Variants in SIRPG observed in about 807,000 individuals in gnomAD.
SIRPG encodes signal-regulatory protein gamma.
In SIRPG, 38 loss-of-function variants were observed where a neutral mutation model predicts 35.7. The observed-to-expected ratio is 1.06, with a 90% CI of 0.82 to 1.40. The LOEUF is 1.40. Ranked by LOEUF, SIRPG falls within the 40% of genes most tolerant of loss-of-function variation. The probability of loss-of-function intolerance (pLI) is 0.00; values close to 1 mark genes in which losing one functional copy is unlikely to be tolerated. For synonymous variants in SIRPG, 215 were observed against 190.4 expected, an observed-to-expected ratio of 1.13 and a Z score of -1.06; for missense variants, 519 against 483.0, an observed-to-expected ratio of 1.07 and a Z score of -0.70.
upstream of SIRPG, among the ~76,000 whole-genome samples, chr20:1,661,236 G>A (rs1177527004): frequency 6.6e-6 from 1 of 152,122 alleles, no homozygotes; most frequent in East Asian, 1.9e-4. Context: ...GGTGGAGTAC[G>A]ACGATGATGA....
At chr20:1,655,266 G>A (rs1329141084) in intron 1 of SIRPG, among the ~76,000 whole-genome samples, 1 of 152,146 alleles carries the variant, frequency 6.6e-6, no homozygotes, top group Non-Finnish European at 1.5e-5. Context: ...GCCAAGATAT[G>A]GAATCAACCT....
chr20:1,634,319 GC>G (rs1465995782), intron 4 of SIRPG, among the ~76,000 whole-genome samples: 1 of 150,692 alleles, frequency 6.6e-6, no homozygotes, highest in Non-Finnish European at 1.5e-5. Context: ...CCATTCTCCT[GC>G]CTCAGCCTCC....
At chr20:1,649,894 G>A (rs2091927843) in intron 1 of SIRPG, among the ~76,000 whole-genome samples, 2 of 149,680 alleles carry the variant, frequency 1.3e-5, no homozygotes, top group South Asian at 4.2e-4. Context: ...GCTTTCCATA[G>A]TGCTGGGATG....
upstream of SIRPG, among the ~76,000 whole-genome samples, chr20:1,661,530 G>A (rs1296077036): frequency 3.3e-5 from 5 of 152,188 alleles, no homozygotes; most frequent in Admixed American, 6.5e-5. Flanking sequence ...TGTGAGTCCT[G>A]GTAGCAGAGG....
At chr20:1,668,170 CT>C in the SIRPG span, among the ~76,000 whole-genome samples, 36,746 of 116,010 alleles carry the variant, frequency 0.32, 5,738 homozygotes, top group East Asian at 0.63. Flanking sequence ...CTTTTCTTTT[CT>C]TTTCTTTCTT....
At chr20:1,671,035 G>T in the SIRPG span, 1 of 413,678 alleles carries the variant, frequency 2.4e-6, no homozygotes. Context: ...TTCTCCTGCA[G>T]GGTCCACGTT....
chr20:1,668,073 C>T, the SIRPG span, among the ~76,000 whole-genome samples: 1 of 152,300 alleles, frequency 6.6e-6, no homozygotes, highest in Middle Eastern at 3.4e-3. Flanking sequence ...AATTTTAATA[C>T]TTCTGAAAAT....
At chr20:1,660,237 T>G (rs762114726), upstream of SIRPG, among the ~76,000 whole-genome samples, 21 of 152,060 alleles carry the variant, frequency 1.4e-4, no homozygotes, top group Non-Finnish European at 2.8e-4. Context: ...TTAAAAAAAC[T>G]TAATAGGTTG....
At chr20:1,683,796 C>T in the SIRPG span, among the ~76,000 whole-genome samples, 5 of 151,924 alleles carry the variant, frequency 3.3e-5, no homozygotes, top group Admixed American at 1.3e-4. Context: ...GGTGAAACCC[C>T]GTCACTACTA....
intron 4 of SIRPG, among the ~76,000 whole-genome samples, chr20:1,634,898 T>C (rs6043405): frequency 0.74 from 111,349 of 150,710 alleles, 41,661 homozygotes; most frequent in South Asian, 0.85. Context: ...AAAAAATTAG[T>C]CGGGCGTGGT....
At chr20:1,630,589 C>T (rs189782464) in intron 4 of SIRPG, 168 of 363,640 alleles carry the variant, frequency 4.6e-4, no homozygotes, top group African/African-American at 3.3e-3. Flanking sequence ...GGGTTCCTCA[C>T]TTGACCCTCA....
the SIRPG span, chr20:1,670,307 A>T: frequency 5.1e-6 from 1 of 196,410 alleles, no homozygotes; most frequent in Non-Finnish European, 1.2e-5. Flanking sequence ...GGGCTCCATA[A>T]AGTAGCTCCC....
intron 2 of SIRPG, among the ~76,000 whole-genome samples, chr20:1,642,760 G>T (rs1386000098): frequency 6.6e-6 from 1 of 152,124 alleles, no homozygotes; most frequent in African/African-American, 2.4e-5. Flanking sequence ...TGCAAAGCAG[G>T]CCTGGTGGTG....
At position 1,634,906 on chromosome 20, in the gene SIRPG, G is replaced by A. The variant is rs566037335; in HGVS notation, c.1081+361C>T. ...AAAATACAAAAAATTAGTCGGGCGT[G>A]GTGGCGGGCGCCTGTAGTCCCAGCT... is the stretch of plus-strand genomic sequence containing the variant. On this transcript the variant is annotated intron_variant, in intron 4 of 5. Coordinates refer to ENST00000303415, the MANE Select transcript of SIRPG (RefSeq NM_018556.4). Among the ~76,000 whole-genome samples, 37 of 151,806 alleles carry A rather than the reference G, an allele frequency of 2.4e-4. No homozygotes were observed. The South Asian group carries it at 4.9e-3, about 20-fold the overall frequency.
intron 1 of SIRPG, among the ~76,000 whole-genome samples, chr20:1,654,236 TAAAA>T (rs78737562): frequency 4.3e-5 from 5 of 115,448 alleles, no homozygotes; most frequent in Admixed American, 9.1e-5. Flanking sequence ...AGACTGCATC[TAAAA>T]AAAAAAAAAA....
rs41275436 is a variant in SIRPG at position 1,635,402 on chromosome 20, C to G, written c.946G>C (p.Val316Leu). 1 of 1,614,162 alleles carries G rather than the reference C, an allele frequency of 6.2e-7. No homozygotes were observed. Among genetic ancestry groups the G allele is most frequent in the Non-Finnish European group, 8.5e-7 (1 of 1,180,026 alleles). ...TCATCCCTTTGGTCAGATATGTTCA[C>G]CAGGAACCAGCTTGTCCAGTTGTAG... ...GTYNWTSWFL[V>L]NISDQRDDVV... The change falls in exon 4 of 6, where the codon GTG becomes CTG. Residue 316 changes from valine (V) to leucine (L), a missense_variant. Val to Leu is a conservative substitution (Grantham distance 32, BLOSUM62 1). Coordinates refer to ENST00000303415, the MANE Select transcript of SIRPG (RefSeq NM_018556.4).
the SIRPG span, among the ~76,000 whole-genome samples, chr20:1,668,199 TTTTCTTTCTTTC>T: frequency 9.0e-3 from 607 of 67,418 alleles, 8 homozygotes; most frequent in African/African-American, 0.027. Flanking sequence ...TTTTCTTTTC[TTTTCTTTCTTTC>T]TTTCTTTCTT....
upstream of SIRPG, among the ~76,000 whole-genome samples, chr20:1,662,167 T>G (rs1423083864): frequency 6.6e-6 from 1 of 152,194 alleles, no homozygotes; most frequent in Non-Finnish European, 1.5e-5. Flanking sequence ...ATTGAGGAGT[T>G]GGGCAGGGTA....
At chr20:1,633,479 T>A (rs1294572754) in intron 4 of SIRPG, 7 of 152,252 alleles carry the variant, frequency 4.6e-5, no homozygotes, top group African/African-American at 1.7e-4. Flanking sequence ...ACTGTAATAA[T>A]GATACTGGTT....
Sources: allele counts gnomAD v4.1 joint callset (sites outside exome capture counted in the v4.1 genomes callset), GRCh38; gene constraint gnomAD v4.1.1; transcripts MANE v1.5; gene names NCBI Gene and HGNC (gene_info 2026-07-23, HGNC 2026-07-21).